The following CNTN6 variants were observed in gnomAD, a reference collection of about 807,000 sequenced individuals.
The protein encoded by CNTN6 is contactin-6.
CNTN6 carries 137 observed loss-of-function variants against 122.8 expected under a neutral mutation model. The ratio of observed to expected loss-of-function variants is 1.12; its 90% CI spans 0.97 to 1.29. The LOEUF (loss-of-function observed/expected upper bound fraction) is 1.29, where lower values mean the gene tolerates loss of function less well. Ranked by LOEUF, CNTN6 falls within the 50% of genes most tolerant of loss-of-function variation. CNTN6 has a pLI of 0.00. For missense variants in CNTN6, 1,634 were observed against 1,223.4 expected (o/e 1.34, Z -5.01); for synonymous variants, 570 against 426.0 (o/e 1.34, Z -4.16).
chr3:1,233,823 A>C (rs144024660), intron 4 of CNTN6, among the ~76,000 whole-genome samples: 1 of 151,776 alleles, frequency 6.6e-6, no homozygotes. Context: ...TGATATTATT[A>C]ATATTATCAA....
rs562379015 is a variant in CNTN6 at position 1,260,464 on chromosome 3, A to C, written c.359-17949A>C. 2.6e-5 allele frequency among the ~76,000 whole-genome samples: 4 copies of C among 152,154 alleles called. No individual in the cohort carries two copies. In the South Asian group the frequency reaches 8.3e-4, roughly 31 times the overall value. ...GTTTGGTTTGCTGAGTACCATAGCG[A>C]GTTTCTCTGCCTATCTTTGACATTT... On this transcript the variant is annotated intron_variant, in intron 4 of 22. Coordinates refer to ENST00000446702, the MANE Select transcript of CNTN6 (RefSeq NM_001289080.2).
Position 1,200,632 on chromosome 3 carries a change from A to T in CNTN6, c.56-20055A>T, listed in dbSNP as rs79109551. Among the ~76,000 whole-genome samples, 253 of 152,292 alleles carry T rather than the reference A, an allele frequency of 1.7e-3. 2 individuals carry two copies. Among genetic ancestry groups the T allele is most frequent in the Non-Finnish European group, 3.2e-3 (215 of 68,020 alleles). On this transcript the variant is annotated intron_variant, in intron 2 of 22. Transcript: ENST00000446702. ...TTTTTTAAGCTCCATAAATGCAAGC[A>T]TGACATGCATATGTGTATACAGAAT...
At chr3:1,206,984 G>T (rs1227165435) in intron 2 of CNTN6, among the ~76,000 whole-genome samples, 1 of 152,046 alleles carries the variant, frequency 6.6e-6, no homozygotes, top group Non-Finnish European at 1.5e-5. Flanking sequence ...TGGGTTTGGG[G>T]TCTTTGTTTG....
intron 5 of CNTN6, among the ~76,000 whole-genome samples, chr3:1,294,168 A>G (rs534703726): frequency 1.4e-4 from 22 of 152,290 alleles, no homozygotes; most frequent in African/African-American, 5.3e-4. Flanking sequence ...TCCACCTAAT[A>G]CATAATGACC....
intron 1 of CNTN6, among the ~76,000 whole-genome samples, chr3:1,102,715 G>C (rs367918270): frequency 2.1e-3 from 307 of 144,234 alleles, no homozygotes; most frequent in Middle Eastern, 3.8e-3. Context: ...GCGACAGGGC[G>C]AGACTCCGTC....
intron 7 of CNTN6, among the ~76,000 whole-genome samples, chr3:1,315,070 A>G (rs1031522927): frequency 6.6e-6 from 1 of 151,970 alleles, no homozygotes; most frequent in South Asian, 2.1e-4. Context: ...GAAACGACTG[A>G]TATCTGTAGT....
chr3:1,251,883 G>T (rs774064866), intron 4 of CNTN6, among the ~76,000 whole-genome samples: 10 of 152,028 alleles, frequency 6.6e-5, no homozygotes, highest in Admixed American at 1.3e-4. Context: ...TCTGATTCAG[G>T]TCTGACTCAT....
rs1705775916 is a variant in CNTN6 at position 1,352,355 on chromosome 3, A to G, written c.1396A>G (p.Ile466Val). Reference sequence around the variant, plus strand: ...TCTCTTGGAGGATGGCAGCCTCAAGATATATAATATTACCAGGTCAGATGC... The same window carrying G: ...TCTCTTGGAGGATGGCAGCCTCAAGGTATATAATATTACCAGGTCAGATGC... ...IFLLEDGSLKIYNITRSDAGS... is the reference protein window; with the variant it reads ...IFLLEDGSLKVYNITRSDAGS... Residue 466 changes from isoleucine to valine, a missense_variant, in exon 12 of 23, where the codon ATA (isoleucine) becomes GTA (valine). Transcript: ENST00000446702. 3.0e-5 allele frequency: 47 copies of G among 1,564,018 alleles called. No individual in the cohort carries two copies. Among genetic ancestry groups the G allele is most frequent in the Non-Finnish European group, 4.0e-5 (46 of 1,149,728 alleles).
intron 5 of CNTN6, among the ~76,000 whole-genome samples, chr3:1,279,821 A>G (rs1026279679): frequency 6.6e-6 from 1 of 152,248 alleles, no homozygotes; most frequent in Admixed American, 6.5e-5. Context: ...ATGAATTGCC[A>G]TGACCAAAAG....
At chr3:1,142,882 A>G (rs1206862835) in intron 1 of CNTN6, among the ~76,000 whole-genome samples, 1 of 151,360 alleles carries the variant, frequency 6.6e-6, no homozygotes, top group East Asian at 1.9e-4. Context: ...GTGTGTACAA[A>G]TTTATATGTA....
intron 20 of CNTN6, chr3:1,394,294 C>T (rs767379127): frequency 1.3e-4 from 26 of 194,846 alleles, no homozygotes; most frequent in Non-Finnish European, 2.3e-4. Flanking sequence ...ATAGCAGTGA[C>T]GGCCCCCCGA....
Position 1,159,829 on chromosome 3 carries a change from T to C in CNTN6, c.55+11766T>C, listed in dbSNP as rs566704623. Among the ~76,000 whole-genome samples, 23 of 151,704 alleles carry C rather than the reference T, an allele frequency of 1.5e-4. 1 individual carries two copies. Among genetic ancestry groups the C allele is most frequent in the South Asian group, 8.3e-4 (4 of 4,792 alleles). ...GTAATCATTCGTTTGTTTTTCTTTTTCCCCCCCTCAAGACAAAGTCTTGCT... is the reference window on the plus strand; with the variant it reads ...GTAATCATTCGTTTGTTTTTCTTTTCCCCCCCCTCAAGACAAAGTCTTGCT... On this transcript the variant is annotated intron_variant, in intron 2 of 22. Transcript: ENST00000446702.
intron 4 of CNTN6, among the ~76,000 whole-genome samples, chr3:1,228,889 A>T (rs2094319573): frequency 6.6e-6 from 1 of 152,110 alleles, no homozygotes; most frequent in Non-Finnish European, 1.5e-5. Context: ...TGAATTAATA[A>T]CTGGGTCTGT....
At chr3:1,098,415 T>G (rs2090654319) in intron 1 of CNTN6, among the ~76,000 whole-genome samples, 1 of 152,012 alleles carries the variant, frequency 6.6e-6, no homozygotes, top group Non-Finnish European at 1.5e-5. Context: ...TTGTTCTTTT[T>G]TTATGATAAT....
chr3:1,328,394 G>C (rs1432059781), intron 10 of CNTN6, among the ~76,000 whole-genome samples: 1 of 151,796 alleles, frequency 6.6e-6, no homozygotes, highest in African/African-American at 2.4e-5. Flanking sequence ...AGATAAAAGA[G>C]AGGAAGGATC....
intron 1 of CNTN6, among the ~76,000 whole-genome samples, chr3:1,122,191 C>G (rs1354438859): frequency 6.6e-6 from 1 of 151,650 alleles, no homozygotes; most frequent in Non-Finnish European, 1.5e-5. Flanking sequence ...TATATTGTCC[C>G]TGAATGTATG....
In CNTN6 at chr3:1,401,506, A is replaced by G. The variant is rs2126262392; in HGVS notation, c.2778A>G (p.Val926=). The G allele has an allele frequency of 6.2e-7, 1 of 1,611,950 alleles. No individual in the cohort carries two copies. ...NSKLCLNWEH[V]KTMENESEVL... is the part of the protein sequence containing the mutation. Reference sequence around the variant, plus strand: ...AATTATGCTTGAACTGGGAGCATGTAAAAACCATGGAAAATGAGTCTGAAG... The same window carrying G: ...AATTATGCTTGAACTGGGAGCATGTGAAAACCATGGAAAATGAGTCTGAAG... The change falls in exon 21 of 23, where the codon GTA becomes GTG. Residue 926 remains valine (V), a synonymous_variant. Coordinates refer to ENST00000446702, the MANE Select transcript of CNTN6 (RefSeq NM_001289080.2).
chr3:1,175,432 G>T (rs983365158), intron 2 of CNTN6, among the ~76,000 whole-genome samples: 1 of 98,198 alleles, frequency 1.0e-5, no homozygotes, highest in East Asian at 4.0e-4. Context: ...GTGAGGTATG[G>T]GAGAAAACAC....
At chr3:1,256,275 T>C (rs2094757282) in intron 4 of CNTN6, among the ~76,000 whole-genome samples, 1 of 152,270 alleles carries the variant, frequency 6.6e-6, no homozygotes, top group East Asian at 1.9e-4. Flanking sequence ...TATTGAGTCA[T>C]TAAGATGTTA....
Sources: gnomAD v4.1 joint callset for allele counts (sites outside exome capture counted in the v4.1 genomes callset) on GRCh38, gnomAD v4.1.1 for gene constraint, MANE v1.5 for transcripts, NCBI Gene and HGNC (gene_info 2026-07-23, HGNC 2026-07-21) for gene names.